Variants in UPF2 observed in about 807,000 individuals in gnomAD.
UPF2 encodes regulator of nonsense transcripts 2.
A neutral mutation model predicts 141.4 loss-of-function variants in UPF2; 17 were observed. The ratio of observed to expected loss-of-function variants is 0.12; its 90% confidence interval spans 0.08 to 0.18. The LOEUF is 0.18. UPF2 is among the 10% of genes least tolerant of loss of function. The probability of loss-of-function intolerance (pLI) is 1.00; values close to 1 mark genes in which losing one functional copy is unlikely to be tolerated. For missense variants in UPF2, 1,152 were observed against 1,515.9 expected (o/e 0.76, Z 3.99); for synonymous variants, 540 against 498.0 (o/e 1.08, Z -1.12).
At chr10:12,006,302 T>C (rs949091148) in intron 4 of UPF2, among the ~76,000 whole-genome samples, 3 of 152,240 alleles carry the variant, frequency 2.0e-5, no homozygotes, top group African/African-American at 7.2e-5. Context: ...ACACATGCAG[T>C]ACATACAACT....
chr10:11,998,458 C>T lies in UPF2; in HGVS notation c.1759-701G>A, dbSNP rs939098929. On this transcript the variant is annotated intron_variant, in intron 7 of 21. Coordinates refer to ENST00000357604, the MANE Select transcript of UPF2 (RefSeq NM_015542.4). This position sits in a 1 kb window ranked among gnomAD's most constrained non-coding sequence, Gnocchi z 4.5. ...GGTGCAGTGGCACAATCATGGCTCACTGCAGCCTTGCTCTGCCAGGCTCCA... is the reference window on the plus strand; with the variant it reads ...GGTGCAGTGGCACAATCATGGCTCATTGCAGCCTTGCTCTGCCAGGCTCCA... Among the ~76,000 whole-genome samples, 2 of 152,156 alleles carry T rather than the reference C, an allele frequency of 1.3e-5. No individual in the cohort carries two copies. Among genetic ancestry groups the T allele is most frequent in the African/African-American group, 4.8e-5 (2 of 41,448 alleles).
chr10:12,029,961 AAAAAAAAAAC>A (rs1834487804), intron 2 of UPF2, among the ~76,000 whole-genome samples: 1 of 151,832 alleles, frequency 6.6e-6, no homozygotes, highest in South Asian at 2.1e-4. Flanking sequence ...CCGTCTCAAA[AAAAAAAAAAC>A]AAAAAAAAAA....
rs1832762686 is a variant in UPF2 at position 11,929,960 on chromosome 10, G to A, written c.3714C>T (p.Arg1238=). ...CACGATTGGTGTTTGCTGGAGCTGGGCGCTGTGCAAGAGACTGCAACATTT... is the reference window on the plus strand; with the variant it reads ...CACGATTGGTGTTTGCTGGAGCTGGACGCTGTGCAAGAGACTGCAACATTT... ...YQEMLQSLAQ[R]PAPANTNRER... is the part of the protein sequence containing the mutation. Residue 1238 remains arginine, a synonymous_variant, in exon 21 of 22, where the codon CGC becomes CGT. Transcript: ENST00000357604. 6.2e-7 allele frequency: 1 copy of A among 1,614,108 alleles called. No homozygotes were observed. Among genetic ancestry groups the A allele is most frequent in the Non-Finnish European group, 8.5e-7 (1 of 1,180,048 alleles).
rs767796074 is a variant in UPF2, at chr10:12,029,217, G to C, written c.673C>G (p.Leu225Val). The change falls in exon 3 of 22, where the codon CTC becomes GTC. Residue 225 changes from leucine to valine, a missense_variant. Around this residue, in one of 4 missense-constraint regions of UPF2, gnomAD observed 739 missense variants for 1,032.2 expected, o/e 0.72. Transcript: ENST00000357604. ...TAACGCTGGTGAAAGAGAGAGCAGA[G>C]GTGCACAGCACAGTTCACATCAGAG... ...KISDVNCAVH[L>V]CSLFHQRYAD... The C allele has an allele frequency of 5.6e-6, 9 of 1,614,076 alleles. No homozygotes were observed. The highest frequency in any genetic ancestry group is 5.0e-5 in the Admixed American group (3 of 59,994).
chr10:11,933,409 T>G (rs1832805124), intron 19 of UPF2, among the ~76,000 whole-genome samples: 1 of 152,222 alleles, frequency 6.6e-6, no homozygotes, highest in South Asian at 2.1e-4. Flanking sequence ...CACTGAAAAT[T>G]TACTTAATAA....
chr10:11,943,413 T>C (rs915515079), intron 16 of UPF2, among the ~76,000 whole-genome samples: 1 of 152,198 alleles, frequency 6.6e-6, no homozygotes, highest in Non-Finnish European at 1.5e-5. Context: ...GTAGAAGCTC[T>C]TTCTTGAATT....
chr10:11,975,530 T>TG (rs1833492270), intron 9 of UPF2, among the ~76,000 whole-genome samples: 1 of 152,286 alleles, frequency 6.6e-6, no homozygotes, highest in African/African-American at 2.4e-5. Flanking sequence ...TTTTTTGAGA[T>TG]GGAGTTTCAC....
At chr10:11,984,528 G>A (rs1371998483) in intron 8 of UPF2, among the ~76,000 whole-genome samples, 1 of 151,944 alleles carries the variant, frequency 6.6e-6, no homozygotes, top group African/African-American at 2.4e-5. Flanking sequence ...TGATAAAACA[G>A]CATCAAATAT....
chr10:11,932,873 A>C (rs939846311), intron 19 of UPF2, among the ~76,000 whole-genome samples: 3 of 152,100 alleles, frequency 2.0e-5, no homozygotes, highest in Non-Finnish European at 4.4e-5. Context: ...TACAACAAAT[A>C]ACTCCTTATA....
chr10:12,020,390 T>A (rs984118244), intron 3 of UPF2, among the ~76,000 whole-genome samples: 1 of 152,164 alleles, frequency 6.6e-6, no homozygotes, highest in Admixed American at 6.5e-5. Context: ...TAGCTGGGAT[T>A]ACAGGCATGC....
Position 11,931,475 on chromosome 10 carries a change from ATAT to A in UPF2, c.3688+163_3688+165del, listed in dbSNP as rs146742668. Among the ~76,000 whole-genome samples, 2,669 of 152,304 alleles carry A rather than the reference ATAT, an allele frequency of 0.018. 79 individuals are homozygous for A. The highest frequency in any genetic ancestry group is 0.061 in the African/African-American group (2,521 of 41,558). On this transcript the variant is annotated intron_variant, in intron 20 of 21. Transcript: ENST00000357604. This position sits in a 1 kb window ranked among gnomAD's most constrained non-coding sequence, Gnocchi z 5.9. ...ATTAGAGCAAAATATGGTGAAAATT[ATAT>A]TATTGTTATTTTACAAATAAGTGAA...
intron 1 of UPF2, among the ~76,000 whole-genome samples, chr10:12,037,699 C>T (rs958225380): frequency 1.3e-5 from 2 of 151,648 alleles, no homozygotes; most frequent in South Asian, 2.1e-4. Flanking sequence ...GCCAGCCCTT[C>T]GTTTTTTTTT....
At chr10:11,978,529 C>T (rs190809799) in intron 9 of UPF2, among the ~76,000 whole-genome samples, 1 of 152,270 alleles carries the variant, frequency 6.6e-6, no homozygotes, top group East Asian at 1.9e-4. Flanking sequence ...TAACAGGCCC[C>T]TGTTATTTCC....
At chr10:11,976,926 C>T (rs1833514505) in intron 9 of UPF2, among the ~76,000 whole-genome samples, 1 of 152,208 alleles carries the variant, frequency 6.6e-6, no homozygotes, top group Non-Finnish European at 1.5e-5. Flanking sequence ...ATGAACCCCA[C>T]CTGGTAGACA....
chr10:11,982,054 G>A (rs895679458), intron 8 of UPF2, among the ~76,000 whole-genome samples: 23 of 150,896 alleles, frequency 1.5e-4, no homozygotes, highest in African/African-American at 5.4e-4. Flanking sequence ...AAAAAGCCTG[G>A]AGCAAATGAA....
intron 18 of UPF2, among the ~76,000 whole-genome samples, chr10:11,941,750 A>G (rs1832939009): frequency 1.3e-5 from 2 of 152,298 alleles, no homozygotes; most frequent in Admixed American, 1.3e-4. Flanking sequence ...CCCACTCGTC[A>G]CGTCACCAAA....
At chr10:12,022,613 C>T (rs536629297) in intron 3 of UPF2, among the ~76,000 whole-genome samples, 1 of 152,194 alleles carries the variant, frequency 6.6e-6, no homozygotes, top group East Asian at 1.9e-4. Flanking sequence ...GCTCTTAGAA[C>T]ATTACAGCTA....
In UPF2 at chr10:11,959,078, A is replaced by G. The variant is rs1833199523; in HGVS notation, c.2370+93T>C. The G allele has an allele frequency of 8.0e-7, 1 of 1,242,642 alleles. No homozygotes were observed. The highest frequency in any genetic ancestry group is 2.8e-5 in the Admixed American group (1 of 35,630). The allele number at this position is 1,242,642 out of a possible 1,614,324, so 77.0% of individuals were successfully genotyped here. A position where few individuals can be genotyped will look rare whatever the true frequency, so the allele number is the denominator to read the frequency against. ...ACAGAGCTGATTATAAAGGAACTTG[A>G]GCTCTACCCCCACTTCTCCTAGACT... On this transcript the variant is annotated intron_variant, in intron 12 of 21. Coordinates refer to ENST00000357604, the MANE Select transcript of UPF2 (RefSeq NM_015542.4). This position sits in a 1 kb window ranked among gnomAD's most constrained non-coding sequence, Gnocchi z 5.9.
intron 2 of UPF2, among the ~76,000 whole-genome samples, chr10:12,030,673 G>A (rs148819210): frequency 0.052 from 7,878 of 151,432 alleles, 255 homozygotes; most frequent in Non-Finnish European, 0.08. Flanking sequence ...CACGAGGTCA[G>A]GAGATCGACA....
Sources: allele counts gnomAD v4.1 joint callset (sites outside exome capture counted in the v4.1 genomes callset), GRCh38; gene constraint gnomAD v4.1.1; regional missense constraint gnomAD v4.1.1; non-coding constraint Gnocchi (gnomAD v3.1); transcripts MANE v1.5; gene names NCBI Gene and HGNC (gene_info 2026-07-23, HGNC 2026-07-21).